TTC39C: variants seen among roughly 807,000 people sequenced by gnomAD.
TTC39C encodes the protein tetratricopeptide repeat domain 39C.
A neutral mutation model predicts 76.3 loss-of-function variants in TTC39C; 33 were observed. The observed-to-expected ratio is 0.43, with a 90% confidence interval of 0.33 to 0.58. TTC39C has a LOEUF of 0.58. TTC39C is among the 20% of genes least tolerant of loss of function. The probability of loss-of-function intolerance (pLI) is 0.04; values close to 1 mark genes in which losing one functional copy is unlikely to be tolerated. For synonymous variants in TTC39C, 254 were observed against 260.6 expected (o/e 0.97, Z 0.24); for missense variants, 595 against 701.4 (o/e 0.85, Z 1.71).
intron 1 of TTC39C, among the ~76,000 whole-genome samples, chr18:24,024,874 TTTTG>T (rs796720139): frequency 9.2e-5 from 14 of 152,302 alleles, no homozygotes; most frequent in African/African-American, 2.9e-4. Flanking sequence ...TTTTGTTTGT[TTTTG>T]TTTGTTTGTT....
intron 1 of TTC39C, among the ~76,000 whole-genome samples, chr18:24,046,401 A>G (rs987739846): frequency 6.6e-6 from 1 of 151,896 alleles, no homozygotes; most frequent in African/African-American, 2.4e-5. Flanking sequence ...ATAAGGCAGT[A>G]TAATTACATC....
At chr18:24,009,801 C>A (rs539879398), upstream of TTC39C, among the ~76,000 whole-genome samples, 3 of 152,342 alleles carry the variant, frequency 2.0e-5, no homozygotes, top group Non-Finnish European at 2.9e-5. Context: ...CTGCCTAAAC[C>A]ATTACTGCAC....
chr18:24,106,756 C>T (rs1334719631), intron 6 of TTC39C, among the ~76,000 whole-genome samples: 1 of 152,230 alleles, frequency 6.6e-6, no homozygotes, highest in Non-Finnish European at 1.5e-5. Context: ...ACTATCTTGG[C>T]TCACTGCAAC....
intron 6 of TTC39C, among the ~76,000 whole-genome samples, chr18:24,102,200 T>C (rs1321826733): frequency 6.6e-6 from 1 of 152,226 alleles, no homozygotes; most frequent in Non-Finnish European, 1.5e-5. Context: ...GCACTTTCCG[T>C]CACAAATGTC....
chr18:24,117,726 A>AG (rs1197359009), intron 7 of TTC39C, among the ~76,000 whole-genome samples: 2 of 149,718 alleles, frequency 1.3e-5, no homozygotes, highest in Non-Finnish European at 2.9e-5. Flanking sequence ...AAAAAAAAAA[A>AG]GAATGAGTGG....
chr18:24,117,128 CTA>C (rs1250430299), intron 7 of TTC39C, among the ~76,000 whole-genome samples: 2 of 152,188 alleles, frequency 1.3e-5, no homozygotes, highest in East Asian at 3.9e-4. Flanking sequence ...TACAAGGACA[CTA>C]TTAGCCCCCT....
At position 24,132,550 on chromosome 18, in the gene TTC39C, T is replaced by G. The variant is rs762280517; in HGVS notation, c.1728T>G (p.Ser576=). The change falls in exon 14 of 14, where the codon TCT becomes TCG. Residue 576 remains serine (S), a synonymous_variant. Coordinates refer to ENST00000317571, the MANE Select transcript of TTC39C (RefSeq NM_001135993.2). ...TCCGCATCCATGCTGCTCTGGCCTC[T>G]CTGAGGGAATTGGTTCCTCAGTGAC... ...LHVRIHAALA[S]LRELVPQ 3 of 1,613,832 alleles carry G rather than the reference T, an allele frequency of 1.9e-6. No homozygotes were observed. The highest frequency in any genetic ancestry group is 1.3e-5 in the African/African-American group (1 of 74,916).
intron 6 of TTC39C, among the ~76,000 whole-genome samples, chr18:24,097,158 T>C (rs1219024459): frequency 6.6e-6 from 1 of 152,206 alleles, no homozygotes; most frequent in African/African-American, 2.4e-5. Flanking sequence ...GCTAAACCTT[T>C]GGCTAACTTT....
rs1173027480 is a variant in TTC39C at position 24,130,334 on chromosome 18, G to A, written c.1540G>A (p.Asp514Asn). 1.3e-6 allele frequency: 2 copies of A among 1,585,764 alleles called. No homozygotes were observed. The highest frequency in any genetic ancestry group is 2.7e-5 in the African/African-American group (2 of 73,344). Residue 514 changes from aspartate to asparagine, a missense_variant, in exon 12 of 14, where the codon GAT (aspartate) becomes AAT (asparagine). By Grantham distance (23) the Asp-to-Asn change is conservative. Transcript: ENST00000317571. ...TCAGTACTTCCAGCGAGCTGTTAAA[G>A]ATGAATTGTGTCGTCAGAATAACTT... is the stretch of plus-strand genomic sequence containing the variant. ...AVQYFQRAVK[D>N]ELCRQNNLYV...
At chr18:24,071,479 C>A (rs2084241056) in intron 4 of TTC39C, among the ~76,000 whole-genome samples, 1 of 152,206 alleles carries the variant, frequency 6.6e-6, no homozygotes. Context: ...TCTCCAATTT[C>A]ACCACTTAGA....
chr18:24,061,239 T>TA (rs61658056), intron 1 of TTC39C, among the ~76,000 whole-genome samples: 4,096 of 150,334 alleles, frequency 0.027, 186 homozygotes, highest in African/African-American at 0.092. Flanking sequence ...TTTTTTTTTT[T>TA]AAAAAAATAG....
At chr18:24,051,819 G>C (rs1347241788) in intron 1 of TTC39C, among the ~76,000 whole-genome samples, 1 of 152,162 alleles carries the variant, frequency 6.6e-6, no homozygotes, top group African/African-American at 2.4e-5. Flanking sequence ...ACCCTGTGAG[G>C]ACAGTTCGTC....
At chr18:24,130,691 T>C (rs1355129648) in intron 12 of TTC39C, among the ~76,000 whole-genome samples, 1 of 152,106 alleles carries the variant, frequency 6.6e-6, no homozygotes, top group African/African-American at 2.4e-5. Context: ...TCCTTCCTTG[T>C]GCAAACATCA....
At chr18:23,997,220 C>T (rs1461251620) in intron 1 of TTC39C, among the ~76,000 whole-genome samples, 1 of 151,878 alleles carries the variant, frequency 6.6e-6, no homozygotes, top group Non-Finnish European at 1.5e-5. Context: ...AGTTTGAGAC[C>T]AGCCCAGGCA....
chr18:24,051,294 A>G (rs904099056), intron 1 of TTC39C, among the ~76,000 whole-genome samples: 1 of 152,214 alleles, frequency 6.6e-6, no homozygotes, highest in Admixed American at 6.5e-5. Flanking sequence ...CAGCCAGCGT[A>G]TTACGAAGTC....
At position 24,080,628 on chromosome 18, in the gene TTC39C, T is replaced by A; in HGVS notation, c.504T>A (p.Ile168=). The change falls in exon 5 of 14, where the codon ATT becomes ATA. Residue 168 remains isoleucine, a synonymous_variant. Coordinates refer to ENST00000317571, the MANE Select transcript of TTC39C (RefSeq NM_001135993.2). ...GGWILRKAWK[I]YNKCYLDINA... ...GGATCCTTAGGAAAGCCTGGAAGAT[T>A]TACAATAAATGCTATCTGGACATCA... 6.2e-7 allele frequency: 1 copy of A among 1,613,328 alleles called. No individual in the cohort carries two copies. Among genetic ancestry groups the A allele is most frequent in the Non-Finnish European group, 8.5e-7 (1 of 1,179,624 alleles).
intron 8 of TTC39C, among the ~76,000 whole-genome samples, chr18:24,118,787 G>A (rs2084928533): frequency 1.3e-5 from 2 of 151,762 alleles, no homozygotes; most frequent in South Asian, 4.2e-4. Flanking sequence ...AGAGTAGCTG[G>A]GACTACAGGC....
intron 8 of TTC39C, among the ~76,000 whole-genome samples, chr18:24,123,385 T>TTTTGTTTG (rs138234250): frequency 9.3e-5 from 13 of 139,068 alleles, no homozygotes; most frequent in African/African-American, 3.8e-4. Context: ...ACAGTCTTTT[T>TTTTGTTTG]TTTGTTTGTT....
intron 1 of TTC39C, among the ~76,000 whole-genome samples, chr18:24,058,397 G>A (rs1168991664): frequency 4.6e-5 from 7 of 152,208 alleles, no homozygotes; most frequent in Non-Finnish European, 8.8e-5. Flanking sequence ...GCTCACGCCT[G>A]TAATCCCAGC....
Sources: gnomAD v4.1 joint callset for allele counts (sites outside exome capture counted in the v4.1 genomes callset) on GRCh38, gnomAD v4.1.1 for gene constraint, MANE v1.5 for transcripts, NCBI Gene and HGNC (gene_info 2026-07-23, HGNC 2026-07-21) for gene names.